Variants in QKI observed in about 807,000 individuals in gnomAD.
The protein encoded by QKI is KH domain-containing RNA-binding protein QKI.
Under a neutral mutation model 39.0 loss-of-function variants are expected in QKI, and 10 were observed. The ratio of observed to expected loss-of-function variants is 0.26; its 90% CI spans 0.16 to 0.43. QKI has a LOEUF of 0.43. QKI is among the 20% of genes least tolerant of loss of function. QKI has a pLI of 1.00. For synonymous variants in QKI, 204 were observed against 155.4 expected (o/e 1.31, Z -2.33); for missense variants, 218 against 428.0 (o/e 0.51, Z 4.33).
chr6:163,449,585 C>T (rs1790396666), intron 1 of QKI, among the ~76,000 whole-genome samples: 1 of 152,154 alleles, frequency 6.6e-6, no homozygotes, highest in African/African-American at 2.4e-5. Flanking sequence ...TGTTTTTTTA[C>T]AAATCCTGAA....
At chr6:163,477,126 A>G (rs1362934115) in intron 2 of QKI, among the ~76,000 whole-genome samples, 1 of 149,578 alleles carries the variant, frequency 6.7e-6, no homozygotes, top group Non-Finnish European at 1.5e-5. Flanking sequence ...ACTGATTCTC[A>G]TGCCTCGGCC....
intron 1 of QKI, among the ~76,000 whole-genome samples, chr6:163,439,360 G>C (rs1475272196): frequency 6.8e-6 from 1 of 147,924 alleles, no homozygotes; most frequent in African/African-American, 2.5e-5. Flanking sequence ...TTTTTCGGGG[G>C]GGTGGGGGAC....
intron 1 of QKI, among the ~76,000 whole-genome samples, chr6:163,431,008 C>T (rs809155): frequency 0.2 from 30,688 of 151,954 alleles, 3,364 homozygotes; most frequent in Middle Eastern, 0.29. Context: ...TAAGGAAATA[C>T]GGTTTTTCTT....
rs1787325235 is a variant in QKI, at chr6:163,415,139, C to T, written c.-55C>T. 7 of 1,349,256 alleles carry T rather than the reference C, an allele frequency of 5.2e-6. No individual in the cohort carries two copies. The highest frequency in any genetic ancestry group is 1.4e-5 in the South Asian group (1 of 71,696). The allele number at this position is 1,349,256 out of a possible 1,614,324, so 83.6% of individuals were successfully genotyped here. A position where few individuals can be genotyped will look rare whatever the true frequency, so the allele number is the denominator to read the frequency against. On this transcript the variant is annotated 5_prime_UTR_variant, in exon 1 of 8. Transcript: ENST00000361752. ...CGGGGCTCGCCCCCGCCCCTCCCTCCTCTCCGGCGGCGGCGGCGGCGGCGG... is the reference window on the plus strand; with the variant it reads ...CGGGGCTCGCCCCCGCCCCTCCCTCTTCTCCGGCGGCGGCGGCGGCGGCGG...
chr6:163,554,399 A>C (rs1339428222), intron 4 of QKI, among the ~76,000 whole-genome samples: 1 of 152,228 alleles, frequency 6.6e-6, no homozygotes, highest in Non-Finnish European at 1.5e-5. Context: ...AGAGCCCTAC[A>C]CTTAAGCATT....
At chr6:163,522,437 G>A (rs1293456942) in intron 3 of QKI, among the ~76,000 whole-genome samples, 1 of 152,162 alleles carries the variant, frequency 6.6e-6, no homozygotes, top group African/African-American at 2.4e-5. Context: ...ATTTGAGTCT[G>A]TGTTCTTTCC....
intron 2 of QKI, 30 bp from the exon 3 acceptor site, chr6:163,478,750 T>C (rs370596216): frequency 1.3e-4 from 186 of 1,426,958 alleles, no homozygotes; most frequent in Non-Finnish European, 1.8e-4. Flanking sequence ...AAGTGAATAA[T>C]GTATAGTGAT....
chr6:163,538,826 A>G (rs1457845979), intron 4 of QKI, among the ~76,000 whole-genome samples: 1 of 152,180 alleles, frequency 6.6e-6, no homozygotes, highest in East Asian at 1.9e-4. Flanking sequence ...AGGAATTTTG[A>G]CAGACTTGGT....
chr6:163,463,416 C>G (rs2128221229), intron 2 of QKI, among the ~76,000 whole-genome samples: 1 of 152,276 alleles, frequency 6.6e-6, no homozygotes, highest in Non-Finnish European at 1.5e-5. Flanking sequence ...TTGGCTCATA[C>G]TTGAACACTC....
chr6:163,529,845 C>A (rs140441996), intron 3 of QKI, among the ~76,000 whole-genome samples: 19 of 152,298 alleles, frequency 1.2e-4, no homozygotes, highest in African/African-American at 4.3e-4. Context: ...AAAATTCATT[C>A]AGGATGAGTA....
intron 3 of QKI, among the ~76,000 whole-genome samples, chr6:163,507,039 A>G (rs544415475): frequency 1.8e-4 from 27 of 152,308 alleles, no homozygotes; most frequent in South Asian, 2.1e-4. Flanking sequence ...TGGCTAGGAA[A>G]TTGACTTTGA....
intron 4 of QKI, among the ~76,000 whole-genome samples, chr6:163,543,970 G>C (rs1781705283): frequency 6.6e-6 from 1 of 152,002 alleles, no homozygotes; most frequent in Non-Finnish European, 1.5e-5. Flanking sequence ...TTTACTCAGT[G>C]CATGTAATAA....
intron 2 of QKI, 64 bp from the exon 3 acceptor site, chr6:163,478,713 TATA>T (rs1211503566): frequency 9.7e-7 from 1 of 1,034,408 alleles, no homozygotes; most frequent in African/African-American, 1.6e-5. Context: ...AGATATACTT[TATA>T]TTTTAAGAGC....
chr6:163,549,077 G>T (rs1782060350), intron 4 of QKI, among the ~76,000 whole-genome samples: 1 of 152,174 alleles, frequency 6.6e-6, no homozygotes, highest in Non-Finnish European at 1.5e-5. Context: ...GTTCCACATG[G>T]CTGGGGAGGC....
At chr6:163,543,429 A>G (rs1205628589) in intron 4 of QKI, among the ~76,000 whole-genome samples, 1 of 152,074 alleles carries the variant, frequency 6.6e-6, no homozygotes, top group African/African-American at 2.4e-5. Flanking sequence ...TCTGAATGGG[A>G]AATCTGTCTG....
At chr6:163,467,699 T>C (rs193116377) in intron 2 of QKI, among the ~76,000 whole-genome samples, 6 of 152,326 alleles carry the variant, frequency 3.9e-5, no homozygotes, top group Admixed American at 1.3e-4. Context: ...TAGCCACTTA[T>C]TAATTTATAA....
intron 2 of QKI, among the ~76,000 whole-genome samples, chr6:163,462,880 A>C (rs564214061): frequency 1.3e-5 from 2 of 152,306 alleles, no homozygotes; most frequent in East Asian, 3.9e-4. Flanking sequence ...AGATTTCTTT[A>C]TCTTTTACAT....
intron 3 of QKI, among the ~76,000 whole-genome samples, chr6:163,533,902 G>A (rs976796905): frequency 3.9e-5 from 6 of 152,112 alleles, no homozygotes; most frequent in Non-Finnish European, 8.8e-5. Flanking sequence ...TATTGGCTAA[G>A]CTCAATCATG....
At chr6:163,546,209 C>T (rs1417032655) in intron 4 of QKI, among the ~76,000 whole-genome samples, 2 of 151,336 alleles carry the variant, frequency 1.3e-5, no homozygotes, top group South Asian at 2.1e-4. Context: ...GAAAAATAGG[C>T]GAGTGATTTC....
Sources: allele counts gnomAD v4.1 joint callset (sites outside exome capture counted in the v4.1 genomes callset), GRCh38; gene constraint gnomAD v4.1.1; transcripts MANE v1.5; gene names NCBI Gene and HGNC (gene_info 2026-07-23, HGNC 2026-07-21).